EHD4: variants seen among roughly 807,000 people sequenced by gnomAD.
EHD4 encodes the protein EH domain containing 4.
A neutral mutation model predicts 51.0 loss-of-function variants in EHD4; 37 were observed. The observed-to-expected ratio is 0.73, with a 90% CI of 0.56 to 0.95. The LOEUF is 0.95. Among genes scored for constraint, EHD4 ranks in the 40% least tolerant of loss-of-function variants. EHD4 has a pLI of 0.00. For synonymous variants in EHD4, 297 were observed against 317.3 expected (o/e 0.94, Z 0.68); for missense variants, 632 against 733.1 (o/e 0.86, Z 1.59).
intron 1 of EHD4, among the ~76,000 whole-genome samples, chr15:41,956,152 G>A (rs2067886420): frequency 6.6e-6 from 1 of 152,258 alleles, no homozygotes; most frequent in Non-Finnish European, 1.5e-5. Flanking sequence ...AATAGCAACG[G>A]TGGGCTGGCC....
chr15:41,962,388 G>T (rs750620781), intron 1 of EHD4, among the ~76,000 whole-genome samples: 26 of 152,126 alleles, frequency 1.7e-4, no homozygotes, highest in Non-Finnish European at 2.6e-4. Flanking sequence ...ATTTAAGATG[G>T]TATGGTGTTG....
At chr15:41,943,969 C>T (rs1410667965) in intron 2 of EHD4, among the ~76,000 whole-genome samples, 3 of 152,200 alleles carry the variant, frequency 2.0e-5, no homozygotes, top group Non-Finnish European at 2.9e-5. Flanking sequence ...CATCTTTAGG[C>T]CCCTCTTGTT....
intron 2 of EHD4, among the ~76,000 whole-genome samples, chr15:41,953,232 C>T (rs2067864735): frequency 6.6e-6 from 1 of 151,998 alleles, no homozygotes; most frequent in African/African-American, 2.4e-5. Flanking sequence ...TGCAGAAGCC[C>T]AGCGCACCAT....
chr15:41,972,382 G>T lies in EHD4; in HGVS notation c.113C>A (p.Pro38Gln), dbSNP rs1321742943. Residue 38 changes from proline (P) to glutamine (Q), a missense_variant, in exon 1 of 6, where the codon CCG (proline) becomes CAG (glutamine). Coordinates refer to ENST00000220325, the MANE Select transcript of EHD4 (RefSeq NM_139265.4). ...LRSLYLRKVL[P>Q]LEEAYRFHEF... ...GTGGAAGCGGTACGCCTCCTCCAGC[G>T]GCAGCACCTTGCGCAGGTAGAGCGA... 1 of 1,611,120 alleles carries T rather than the reference G, an allele frequency of 6.2e-7. No individual in the cohort carries two copies. The highest frequency in any genetic ancestry group is 1.7e-5 in the Admixed American group (1 of 59,854).
In EHD4 at chr15:41,919,288, A is replaced by G. The variant is rs1704396; in HGVS notation, c.846T>C (p.Phe282=). 769,680 of 1,613,908 alleles carry G rather than the reference A, an allele frequency of 0.48. 189,591 individuals carry two copies. The highest frequency in any genetic ancestry group is 0.65 in the African/African-American group (48,838 of 74,962). Residue 282 remains phenylalanine (F), a synonymous_variant, in exon 4 of 6, where the codon TTT becomes TTC. Coordinates refer to ENST00000220325, the MANE Select transcript of EHD4 (RefSeq NM_139265.4). Reference sequence around the variant, plus strand: ...TCTGGGGGAGGCTCTGGATGTCTCTAAAGAGGTCCTGGGCCTCAGCCTCGA... The same window carrying G: ...TCTGGGGGAGGCTCTGGATGTCTCTGAAGAGGTCCTGGGCCTCAGCCTCGA... ...RLFEAEAQDL[F]RDIQSLPQKA...
At chr15:41,930,112 A>G (rs777932181) in intron 3 of EHD4, among the ~76,000 whole-genome samples, 13 of 152,214 alleles carry the variant, frequency 8.5e-5, no homozygotes, top group Admixed American at 6.5e-4. Context: ...TCCAATTCCA[A>G]ACAACTCTAT....
At chr15:41,933,998 G>A (rs1345185374) in intron 3 of EHD4, among the ~76,000 whole-genome samples, 1 of 152,118 alleles carries the variant, frequency 6.6e-6, no homozygotes, top group Non-Finnish European at 1.5e-5. Context: ...CTGGAAGGAG[G>A]CTGGTTAGTC....
intron 3 of EHD4, among the ~76,000 whole-genome samples, chr15:41,938,776 C>A (rs757252135): frequency 6.6e-6 from 1 of 152,176 alleles, no homozygotes; most frequent in Non-Finnish European, 1.5e-5. Context: ...TAGGAATAAT[C>A]TGTGGTTAAA....
chr15:41,942,872 C>A, intron 3 of EHD4, 195 bp downstream of exon 3: 1 of 517,320 alleles, frequency 1.9e-6, no homozygotes, highest in South Asian at 2.3e-5. Flanking sequence ...AAATGTCTTT[C>A]TCACAGAATA....
chr15:41,968,311 C>A (rs2067973735), intron 1 of EHD4, among the ~76,000 whole-genome samples: 1 of 152,080 alleles, frequency 6.6e-6, no homozygotes, highest in Non-Finnish European at 1.5e-5. Context: ...CGGTATCAAG[C>A]ATTTTATTAA....
At chr15:41,941,463 G>C (rs1425689707) in intron 3 of EHD4, 3 of 152,112 alleles carry the variant, frequency 2.0e-5, no homozygotes, top group African/African-American at 7.2e-5. Flanking sequence ...AAATGTGACA[G>C]TGAGTTTTTT....
At chr15:41,908,286 C>A (rs1280382768) in intron 5 of EHD4, 1 of 152,212 alleles carries the variant, frequency 6.6e-6, no homozygotes, top group Non-Finnish European at 1.5e-5. Flanking sequence ...GAAAAACCCA[C>A]CTCTGAGTTA....
At position 41,949,051 on chromosome 15, in the gene EHD4, T is replaced by TATATATATATATATAC. The variant is rs1491135423; in HGVS notation, c.413+4712_413+4713insGTATATATATATATAT. On this transcript the variant is annotated intron_variant, in intron 2 of 5. Coordinates refer to ENST00000220325, the MANE Select transcript of EHD4 (RefSeq NM_139265.4). ...ATATATATATATATATATATATATA[T>TATATATATATATATAC]ACACACATACACACACACATACATA... Among the ~76,000 whole-genome samples the TATATATATATATATAC allele has an allele frequency of 1.5e-3, 160 of 109,346 alleles. 2 individuals carry two copies. Among genetic ancestry groups the TATATATATATATATAC allele is most frequent in the Non-Finnish European group, 2.0e-3 (111 of 54,256 alleles). The allele number at this position is 109,346 out of a possible 152,430, so 71.7% of individuals were successfully genotyped here.
intron 4 of EHD4, among the ~76,000 whole-genome samples, chr15:41,911,936 C>T (rs1567244932): frequency 1.3e-5 from 2 of 152,136 alleles, no homozygotes; most frequent in South Asian, 2.1e-4. Context: ...CACTCCCTGC[C>T]GCCCACCCCC....
chr15:41,931,045 C>T (rs2067694868), intron 3 of EHD4, among the ~76,000 whole-genome samples: 2 of 152,164 alleles, frequency 1.3e-5, no homozygotes, highest in South Asian at 2.1e-4. Context: ...TTGGCACCAG[C>T]TAACATAATA....
chr15:41,970,650 T>C (rs1264274629), intron 1 of EHD4, among the ~76,000 whole-genome samples: 1 of 152,152 alleles, frequency 6.6e-6, no homozygotes, highest in Non-Finnish European at 1.5e-5. Flanking sequence ...TATCTCCAGG[T>C]TGGCACAGCA....
intron 4 of EHD4, 111 bp from the exon 5 acceptor site, chr15:41,909,974 A>C: frequency 3.3e-5 from 45 of 1,354,308 alleles, no homozygotes; most frequent in Non-Finnish European, 4.3e-5. Context: ...ACCCACACAA[A>C]CCAGGTCCCA....
chr15:41,906,107 G>C (rs1469063983), intron 5 of EHD4, among the ~76,000 whole-genome samples: 4 of 152,216 alleles, frequency 2.6e-5, no homozygotes, highest in African/African-American at 7.2e-5. Context: ...GCAGTTTAAA[G>C]CCTGCAGGCC....
intron 3 of EHD4, among the ~76,000 whole-genome samples, chr15:41,934,680 T>C (rs901997399): frequency 3.3e-5 from 5 of 152,124 alleles, no homozygotes; most frequent in African/African-American, 1.2e-4. Context: ...CGTGCTAGTC[T>C]TCCGAGCATC....
Sources: allele counts gnomAD v4.1 joint callset (sites outside exome capture counted in the v4.1 genomes callset), GRCh38; gene constraint gnomAD v4.1.1; transcripts MANE v1.5; gene names NCBI Gene and HGNC (gene_info 2026-07-23, HGNC 2026-07-21).